Variants in PP2D1 observed in about 807,000 individuals in gnomAD.
PP2D1 encodes protein phosphatase 2C like domain containing 1, also known as protein phosphatase 2C-like domain-containing protein 1.
A neutral mutation model predicts 30.2 loss-of-function variants in PP2D1; 25 were observed. The observed-to-expected ratio is 0.83, with a 90% confidence interval of 0.60 to 1.16. The LOEUF is 1.16. Among genes scored for constraint, PP2D1 ranks in the 50% most tolerant of loss-of-function variants. The pLI is 0.00. For missense variants in PP2D1, 760 were observed against 742.4 expected, an observed-to-expected ratio of 1.02 and a Z score of -0.28; for synonymous variants, 260 against 258.9, an observed-to-expected ratio of 1.00 and a Z score of -0.04.
At chr3:20,009,514 A>G (rs1320301459) in intron 1 of PP2D1, among the ~76,000 whole-genome samples, 1 of 152,200 alleles carries the variant, frequency 6.6e-6, no homozygotes, top group African/African-American at 2.4e-5. Flanking sequence ...CTGTATAAAT[A>G]AAACAATTAG....
intron 2 of PP2D1, among the ~76,000 whole-genome samples, chr3:19,991,865 T>A (rs1370993387): frequency 6.6e-6 from 1 of 152,150 alleles, no homozygotes; most frequent in African/African-American, 2.4e-5. Context: ...AAAAGAATTA[T>A]AAGAAAATGC....
intron 2 of PP2D1, among the ~76,000 whole-genome samples, chr3:19,988,553 C>T (rs1160423265): frequency 6.6e-6 from 1 of 152,162 alleles, no homozygotes; most frequent in East Asian, 1.9e-4. Context: ...TCTCGTTCTG[C>T]CCCCATTTGC....
At chr3:20,003,541 G>A (rs1053684639) in intron 1 of PP2D1, among the ~76,000 whole-genome samples, 18 of 151,874 alleles carry the variant, frequency 1.2e-4, no homozygotes, top group South Asian at 4.2e-4. Context: ...TCAGGAGTTC[G>A]AGACCAGCCT....
At chr3:20,009,894 A>G (rs1299039642) in intron 1 of PP2D1, among the ~76,000 whole-genome samples, 1 of 152,234 alleles carries the variant, frequency 6.6e-6, no homozygotes, top group Non-Finnish European at 1.5e-5. Flanking sequence ...TGTCCACGTT[A>G]TAAATACTTT....
intron 1 of PP2D1, among the ~76,000 whole-genome samples, chr3:20,008,524 G>T (rs907042752): frequency 1.3e-5 from 2 of 152,004 alleles, no homozygotes; most frequent in African/African-American, 2.4e-5. Flanking sequence ...CCGAGATCAC[G>T]CCATTGCACT....
chr3:19,991,492 A>G (rs1199868627), intron 2 of PP2D1, among the ~76,000 whole-genome samples: 1 of 152,222 alleles, frequency 6.6e-6, no homozygotes, highest in Admixed American at 6.5e-5. Flanking sequence ...AGACATACCT[A>G]TATACGTGAT....
downstream of PP2D1, among the ~76,000 whole-genome samples, chr3:19,983,495 C>T (rs1471223623): frequency 6.6e-6 from 1 of 152,038 alleles, no homozygotes; most frequent in African/African-American, 2.4e-5. Context: ...ATCTACCGTT[C>T]CCCCAACACA....
rs768390337 is a variant in PP2D1, at chr3:19,985,602, C to A, written c.1671G>T (p.Thr557=). ...PENVETFPAE[T]THRKPCSEKV... is the part of the protein sequence containing the mutation. ...TTTCACTGCAAGGTTTACGATGAGT[C>A]GTTTCTGCTGGAAATGTTTCTACAT... Residue 557 remains threonine (T), a synonymous_variant, in exon 3 of 3, where the codon ACG becomes ACT. Transcript: ENST00000389050. The A allele has an allele frequency of 1.3e-6, 2 of 1,535,880 alleles. No individual in the cohort carries two copies. Among genetic ancestry groups the A allele is most frequent in the South Asian group, 1.2e-5 (1 of 84,016 alleles).
At chr3:19,997,652 A>G (rs1315019767) in intron 2 of PP2D1, among the ~76,000 whole-genome samples, 2 of 152,240 alleles carry the variant, frequency 1.3e-5, no homozygotes, top group African/African-American at 4.8e-5. Context: ...AAAATGTAGT[A>G]TAAGTACACA....
intron 2 of PP2D1, among the ~76,000 whole-genome samples, chr3:19,992,743 G>C (rs912635530): frequency 6.6e-6 from 1 of 152,154 alleles, no homozygotes. Context: ...CTTGTATAAT[G>C]CTTTGATGAG....
At chr3:19,980,186 G>A (rs977428592) in intron 3 of PP2D1, 1 of 152,162 alleles carries the variant, frequency 6.6e-6, no homozygotes, top group Non-Finnish European at 1.5e-5. Context: ...TGAAAAGTTA[G>A]AGGAAACAAT....
chr3:20,004,649 T>C (rs2125145916), intron 1 of PP2D1, among the ~76,000 whole-genome samples: 1 of 152,342 alleles, frequency 6.6e-6, no homozygotes, highest in South Asian at 2.1e-4. Flanking sequence ...CATCATTTTA[T>C]ACGCCTTCCT....
At chr3:19,984,955 A>C (rs1697004752), downstream of PP2D1, 1 of 155,754 alleles carries the variant, frequency 6.4e-6, no homozygotes, top group East Asian at 1.9e-4. Flanking sequence ...TCCTTTCCAA[A>C]GTTCATTTTA....
chr3:19,994,043 TAAAAAA>T (rs140353341), intron 2 of PP2D1, among the ~76,000 whole-genome samples: 1 of 146,804 alleles, frequency 6.8e-6, no homozygotes, highest in African/African-American at 2.5e-5. Flanking sequence ...AATTCTGTCT[TAAAAAA>T]AAAAAAATCA....
intron 2 of PP2D1, among the ~76,000 whole-genome samples, chr3:19,992,470 C>T (rs2929416): frequency 0.06 from 9,136 of 152,126 alleles, 374 homozygotes; most frequent in Non-Finnish European, 0.085. Context: ...TAGGGGAAAA[C>T]GGTAGGGATG....
chr3:20,004,340 C>T (rs540893612), intron 1 of PP2D1, among the ~76,000 whole-genome samples: 1 of 152,322 alleles, frequency 6.6e-6, no homozygotes, highest in Admixed American at 6.5e-5. Context: ...TGTAAGTACA[C>T]TCTATGACGT....
At chr3:20,007,768 CA>C (rs771502856) in intron 1 of PP2D1, 3,371 of 76,162 alleles carry the variant, frequency 0.044, 86 homozygotes, top group African/African-American at 0.11. Context: ...AAATCCGTCT[CA>C]AAAAAAAAAA....
At chr3:19,980,746 C>T (rs927272127), downstream of PP2D1, among the ~76,000 whole-genome samples, 2 of 152,120 alleles carry the variant, frequency 1.3e-5, no homozygotes, top group Admixed American at 6.6e-5. Context: ...CTTGTAAATA[C>T]ATTTGACTGG....
intron 1 of PP2D1, among the ~76,000 whole-genome samples, chr3:20,007,043 T>C (rs986136399): frequency 1.3e-5 from 2 of 151,320 alleles, no homozygotes; most frequent in South Asian, 4.2e-4. Flanking sequence ...GTATATATAT[T>C]GTATTTTTAG....
Sources: allele counts gnomAD v4.1 joint callset (sites outside exome capture counted in the v4.1 genomes callset), GRCh38; gene constraint gnomAD v4.1.1; transcripts MANE v1.5; gene names NCBI Gene and HGNC (gene_info 2026-07-23, HGNC 2026-07-21).